CEMIP: variants seen among roughly 807,000 people sequenced by gnomAD.
CEMIP encodes the protein cell migration inducing hyaluronidase 1, also known as cell migration-inducing and hyaluronan-binding protein.
CEMIP carries 105 observed loss-of-function variants against 156.9 expected under a neutral mutation model. The ratio of observed to expected loss-of-function variants is 0.67; its 90% CI spans 0.57 to 0.79. The LOEUF (loss-of-function observed/expected upper bound fraction) is 0.79. Among genes scored for constraint, CEMIP ranks in the 30% least tolerant of loss-of-function variants. The probability of loss-of-function intolerance (pLI) is 0.00; values close to 1 mark genes in which losing one functional copy is unlikely to be tolerated. For synonymous variants in CEMIP, 676 were observed against 668.4 expected (o/e 1.01, Z -0.17); for missense variants, 1,457 against 1,769.4 (o/e 0.82, Z 3.17).
intron 1 of CEMIP, among the ~76,000 whole-genome samples, chr15:80,804,777 C>T (rs1289051404): frequency 6.6e-6 from 1 of 152,106 alleles, no homozygotes; most frequent in East Asian, 1.9e-4. Context: ...GAGGTCTTTC[C>T]TCTGGTTGAT....
intron 10 of CEMIP, among the ~76,000 whole-genome samples, chr15:80,892,233 A>T (rs1288443073): frequency 1.3e-5 from 2 of 152,166 alleles, no homozygotes; most frequent in African/African-American, 2.4e-5. Flanking sequence ...GGGAGTGTCA[A>T]GGACATTTGC....
At position 80,834,037 on chromosome 15, in the gene CEMIP, A is replaced by G. The variant is rs557453580; in HGVS notation, c.-175-39501A>G. Among the ~76,000 whole-genome samples, 53 of 152,284 alleles carry G rather than the reference A, an allele frequency of 3.5e-4. 2 individuals are homozygous for G. Among genetic ancestry groups the G allele is most frequent in the Admixed American group, 3.5e-3 (53 of 15,296 alleles). On this transcript the variant is annotated intron_variant, in intron 1 of 29. Coordinates refer to ENST00000394685, the MANE Select transcript of CEMIP (RefSeq NM_001293298.2). The stretch of plus-strand genomic sequence containing the variant: ...TTTGGCGGGCTATTCTGTGCATTGT[A>G]GGGTGTTTAGTGGCACCCTTGGCCT...
chr15:80,851,759 G>A (rs902558661), intron 1 of CEMIP, among the ~76,000 whole-genome samples: 11 of 152,178 alleles, frequency 7.2e-5, no homozygotes, highest in Non-Finnish European at 8.8e-5. Flanking sequence ...AGAAGGTGGC[G>A]TGGGGCATGA....
At chr15:80,927,088 C>T (rs1435270958) in intron 19 of CEMIP, among the ~76,000 whole-genome samples, 1 of 152,246 alleles carries the variant, frequency 6.6e-6, no homozygotes, top group Non-Finnish European at 1.5e-5. Context: ...CTTGGCCTCC[C>T]AAAGTGCTGG....
chr15:80,812,113 A>G (rs1481004717), intron 1 of CEMIP, among the ~76,000 whole-genome samples: 1 of 152,170 alleles, frequency 6.6e-6, no homozygotes, highest in Non-Finnish European at 1.5e-5. Context: ...TCCTGGGCTC[A>G]AGCAAACCTC....
At chr15:80,895,487 T>C (rs944103796) in intron 11 of CEMIP, among the ~76,000 whole-genome samples, 1 of 152,124 alleles carries the variant, frequency 6.6e-6, no homozygotes, top group East Asian at 1.9e-4. Context: ...CGGAGGCACT[T>C]GGCCATCTCC....
rs201373194 is a variant in CEMIP at position 80,895,072 on chromosome 15, G to C, written c.1169G>C (p.Arg390Pro). The change falls in exon 11 of 30, where the codon CGG becomes CCG. Residue 390 changes from arginine to proline, a missense_variant. By Grantham distance (103) the Arg-to-Pro change is moderately radical (BLOSUM62 -2). This residue lies in a region of CEMIP where 280 missense variants were observed against 300.3 expected (regional missense o/e 0.93). Transcript: ENST00000394685. The stretch of plus-strand genomic sequence containing the variant: ...GATTATAGGTTTGCTTGCTACGACC[G>C]GGGCAGAGCCTGCCGGAGCTACCGT... ...GQDYRFACYD[R>P]GRACRSYRVR... The C allele has an allele frequency of 1.9e-6, 3 of 1,614,192 alleles. No homozygotes were observed. In the Admixed American group the frequency reaches 5.0e-5, roughly 27 times the overall value.
chr15:80,901,595 G>A (rs1024689459), intron 12 of CEMIP, among the ~76,000 whole-genome samples: 3 of 151,892 alleles, frequency 2.0e-5, no homozygotes, highest in South Asian at 2.1e-4. Flanking sequence ...CCAGCTACTC[G>A]GGAGGCTGCA....
chr15:80,942,080 C>G (rs1420735628), intron 26 of CEMIP, 27 bp downstream of exon 26: 1 of 1,605,574 alleles, frequency 6.2e-7, no homozygotes, highest in Non-Finnish European at 8.5e-7. Flanking sequence ...AAAGCCTAGA[C>G]CCCTTTGCCG....
intron 1 of CEMIP, among the ~76,000 whole-genome samples, chr15:80,861,162 C>T (rs1322449857): frequency 6.6e-6 from 1 of 152,126 alleles, no homozygotes; most frequent in Non-Finnish European, 1.5e-5. Context: ...TGCCTAGAAC[C>T]ATCGTGCAGT....
intron 18 of CEMIP, 23 bp downstream of exon 18, chr15:80,924,729 C>T (rs1232989763): frequency 5.0e-6 from 8 of 1,603,682 alleles, no homozygotes; most frequent in African/African-American, 1.3e-5. Context: ...TGGGAAGACA[C>T]AGTCCACGGT....
chr15:80,866,798 A>C (rs1898141690), intron 1 of CEMIP, among the ~76,000 whole-genome samples: 1 of 150,196 alleles, frequency 6.7e-6, no homozygotes, highest in Non-Finnish European at 1.5e-5. Context: ...AAAAAAAAAA[A>C]AAGACTCTAT....
In CEMIP at chr15:80,825,530, T is replaced by C. The variant is rs555372560; in HGVS notation, c.-176+45916T>C. On this transcript the variant is annotated intron_variant, in intron 1 of 29. Coordinates refer to ENST00000394685, the MANE Select transcript of CEMIP (RefSeq NM_001293298.2). Reference sequence around the variant, plus strand: ...AGGACAGGGCTGGGCTAGAAAGTCCTCTGTCTGACCTGCTATTTAAACCAC... The same window carrying C: ...AGGACAGGGCTGGGCTAGAAAGTCCCCTGTCTGACCTGCTATTTAAACCAC... Among the ~76,000 whole-genome samples, 125 of 152,346 alleles carry C rather than the reference T, an allele frequency of 8.2e-4. 1 individual carries two copies. The highest frequency in any genetic ancestry group is 2.9e-3 in the African/African-American group (120 of 41,582).
chr15:80,905,800 G>A (rs918805412), intron 12 of CEMIP, among the ~76,000 whole-genome samples: 1 of 152,164 alleles, frequency 6.6e-6, no homozygotes, highest in African/African-American at 2.4e-5. Flanking sequence ...TTAAGGATAT[G>A]GAAAGGGGTA....
chr15:80,943,183 C>CG, intron 28 of CEMIP, 81 bp downstream of exon 28: 2 of 1,439,464 alleles, frequency 1.4e-6, no homozygotes, highest in Non-Finnish European at 2.0e-6. Flanking sequence ...CTCACAAAGG[C>CG]CCTCATCACA....
chr15:80,795,100 G>T (rs1318886019), intron 1 of CEMIP, among the ~76,000 whole-genome samples: 1 of 151,988 alleles, frequency 6.6e-6, no homozygotes, highest in East Asian at 1.9e-4. Flanking sequence ...GAGGAGCAAG[G>T]CAGGACTGAA....
intron 1 of CEMIP, among the ~76,000 whole-genome samples, chr15:80,842,995 G>A (rs1897463130): frequency 6.6e-6 from 1 of 152,210 alleles, no homozygotes; most frequent in Non-Finnish European, 1.5e-5. Flanking sequence ...GAAAGCAGAA[G>A]CAGCAGAGAA....
chr15:80,877,272 G>A (rs1159547472), intron 3 of CEMIP, among the ~76,000 whole-genome samples: 1 of 152,160 alleles, frequency 6.6e-6, no homozygotes, highest in Admixed American at 6.5e-5. Flanking sequence ...CCCTCCCAGG[G>A]TTTCTTTGCT....
In CEMIP at chr15:80,886,452, T is replaced by C. The variant is rs960174586; in HGVS notation, c.798-1242T>C. Among the ~76,000 whole-genome samples, 12 of 152,250 alleles carry C rather than the reference T, an allele frequency of 7.9e-5. No individual in the cohort carries two copies. The South Asian group carries it at 1.7e-3, about 21-fold the overall frequency. On this transcript the variant is annotated intron_variant, in intron 7 of 29. Transcript: ENST00000394685. ...CCAACCTCAGTTAAACACCGTTCAA[T>C]AGTGATTCATTTTCCAAGACAAGAG...
Sources: gnomAD v4.1 joint callset for allele counts (sites outside exome capture counted in the v4.1 genomes callset) on GRCh38, gnomAD v4.1.1 for gene constraint, gnomAD v4.1.1 regional missense constraint, MANE v1.5 for transcripts, NCBI Gene and HGNC (gene_info 2026-07-23, HGNC 2026-07-21) for gene names.